Variants in CRB1 observed in about 807,000 individuals in gnomAD.
CRB1 encodes crumbs cell polarity complex component 1.
In CRB1, 83 loss-of-function variants were observed where a neutral mutation model predicts 120.0. That is an observed-to-expected ratio of 0.69 (90% CI 0.58 to 0.83). The LOEUF (loss-of-function observed/expected upper bound fraction) is 0.83. Among genes scored for constraint, CRB1 ranks in the 40% least tolerant of loss-of-function variants. The probability of loss-of-function intolerance (pLI) is 0.00; values close to 1 mark genes in which losing one functional copy is unlikely to be tolerated. For missense variants in CRB1, 1,699 were observed against 1,687.6 expected, an observed-to-expected ratio of 1.01 and a Z score of -0.12; for synonymous variants, 625 against 612.5, an observed-to-expected ratio of 1.02 and a Z score of -0.30.
rs1030185190 is a variant in CRB1 at position 197,477,649 on chromosome 1, T to C, written c.4006-15T>C. Reference sequence around the variant, plus strand: ...TGCTATAGAATTCGCATCCCAATGATTTCAATCTTTCCAGTTGGCAGATGA... The same window carrying C: ...TGCTATAGAATTCGCATCCCAATGACTTCAATCTTTCCAGTTGGCAGATGA... On this transcript the variant is annotated splice_polypyrimidine_tract_variant and intron_variant, in intron 11 of 11. Transcript: ENST00000367400. The C allele has an allele frequency of 6.2e-7, 1 of 1,611,946 alleles. No homozygotes were observed. The highest frequency in any genetic ancestry group is 8.5e-7 in the Non-Finnish European group (1 of 1,178,254).
intron 11 of CRB1, among the ~76,000 whole-genome samples, chr1:197,457,792 T>C (rs1666352460): frequency 1.3e-5 from 2 of 152,154 alleles, no homozygotes; most frequent in Admixed American, 1.3e-4. Context: ...TGTTTTTTTG[T>C]ATTGTTGATT....
intron 1 of CRB1, among the ~76,000 whole-genome samples, chr1:197,290,034 AATCT>A (rs959358365): frequency 2.2e-4 from 34 of 151,856 alleles, no homozygotes; most frequent in Middle Eastern, 3.4e-3. Flanking sequence ...TTGGGGATCT[AATCT>A]ATCTATGGTT....
chr1:197,358,052 T>C (rs1408022202), intron 5 of CRB1: 1 of 152,214 alleles, frequency 6.6e-6, no homozygotes, highest in Non-Finnish European at 1.5e-5. Flanking sequence ...ACTGATTAAA[T>C]GCATGAAATA....
rs145282040 is a variant in CRB1 at position 197,427,454 on chromosome 1, A to G, written c.2129A>G (p.Glu710Gly). ...CTCCTCCTCTATTTTGACATTGAAG[A>G]GTATGTGGCAGGCAGATTTGGCCAG... ...RPYEGPNCLR[E>G]YVAGRFGQDD... The change falls in exon 7 of 12, where the codon GAG becomes GGG. Residue 710 changes from glutamate (E) to glycine (G), a missense_variant and splice_region_variant. Glu to Gly is a moderately conservative substitution (Grantham distance 98). Coordinates refer to ENST00000367400, the MANE Select transcript of CRB1 (RefSeq NM_201253.3). The G allele has an allele frequency of 1.2e-6, 2 of 1,613,022 alleles. No homozygotes were observed. Among genetic ancestry groups the G allele is most frequent in the African/African-American group, 1.3e-5 (1 of 74,674 alleles).
intron 1 of CRB1, among the ~76,000 whole-genome samples, chr1:197,325,569 C>T (rs554009): frequency 0.69 from 105,439 of 151,942 alleles, 36,793 homozygotes; most frequent in East Asian, 0.92. Flanking sequence ...TGCCTTTACA[C>T]GTTTGGAAAA....
At chr1:197,297,768 G>A (rs1656619275) in intron 1 of CRB1, among the ~76,000 whole-genome samples, 1 of 152,016 alleles carries the variant, frequency 6.6e-6, no homozygotes, top group Admixed American at 6.6e-5. Context: ...ATTCACAAAG[G>A]AGCCTATAGA....
chr1:197,471,964 G>A (rs556635358), intron 11 of CRB1, among the ~76,000 whole-genome samples: 47 of 152,264 alleles, frequency 3.1e-4, no homozygotes, highest in African/African-American at 1.1e-3. Context: ...GCATTCGAGA[G>A]ATGCCTTTAT....
intron 1 of CRB1, among the ~76,000 whole-genome samples, chr1:197,308,528 T>C (rs1020060943): frequency 2.6e-5 from 4 of 152,328 alleles, no homozygotes; most frequent in African/African-American, 9.6e-5. Context: ...AGCTAATCTA[T>C]ATAAAAATTT....
At chr1:197,410,966 G>T (rs987568473) in intron 5 of CRB1, among the ~76,000 whole-genome samples, 1 of 152,052 alleles carries the variant, frequency 6.6e-6, no homozygotes, top group Admixed American at 6.6e-5. Flanking sequence ...CCATCCAAAG[G>T]CTTCTTACTG....
intron 11 of CRB1, among the ~76,000 whole-genome samples, chr1:197,469,338 C>T (rs1442932490): frequency 6.6e-6 from 1 of 151,990 alleles, no homozygotes; most frequent in Non-Finnish European, 1.5e-5. Flanking sequence ...TTCTGTGGGG[C>T]TGGATGGAGG....
At chr1:197,268,557 T>C (rs1328291633) in intron 1 of CRB1, 75 bp downstream of exon 1, 3 of 1,108,648 alleles carry the variant, frequency 2.7e-6, no homozygotes, top group Non-Finnish European at 4.2e-6. Context: ...TAATGGATAA[T>C]GTTGCATGTT....
At chr1:197,426,928 C>A (rs1346679655) in intron 6 of CRB1, among the ~76,000 whole-genome samples, 1 of 152,174 alleles carries the variant, frequency 6.6e-6, no homozygotes, top group East Asian at 1.9e-4. Flanking sequence ...GGGACAAATA[C>A]ATTCCAGGCT....
chr1:197,315,296 T>A (rs1657774567), intron 1 of CRB1, among the ~76,000 whole-genome samples: 1 of 152,212 alleles, frequency 6.6e-6, no homozygotes, highest in African/African-American at 2.4e-5. Flanking sequence ...AGGCATCAAA[T>A]ATTTCCTGTG....
At chr1:197,448,277 A>AT (rs1558148348) in intron 11 of CRB1, among the ~76,000 whole-genome samples, 1 of 151,834 alleles carries the variant, frequency 6.6e-6, no homozygotes, top group Non-Finnish European at 1.5e-5. Flanking sequence ...CTTTAAGAGG[A>AT]TTTTTCTTTT....
the CRB1 span, among the ~76,000 whole-genome samples, chr1:197,232,537 G>T: frequency 6.6e-6 from 1 of 152,164 alleles, no homozygotes; most frequent in Non-Finnish European, 1.5e-5. Context: ...AGATAGACAG[G>T]CAGCCAACAC....
intron 3 of CRB1, 86 bp downstream of exon 3, chr1:197,344,562 C>T (rs1257810188): frequency 4.6e-6 from 6 of 1,303,708 alleles, no homozygotes; most frequent in African/African-American, 1.5e-5. Flanking sequence ...AGAGCTCTCA[C>T]GTTCTCGGCT....
chr1:197,279,422 ATAAT>A (rs952689939), intron 1 of CRB1, among the ~76,000 whole-genome samples: 14 of 151,998 alleles, frequency 9.2e-5, no homozygotes, highest in South Asian at 6.2e-4. Context: ...TAATCTTAAA[ATAAT>A]TAAAGCATTA....
At chr1:197,366,623 TAGAG>T (rs1661090176) in intron 5 of CRB1, among the ~76,000 whole-genome samples, 1 of 152,042 alleles carries the variant, frequency 6.6e-6, no homozygotes. Flanking sequence ...GAGTTAGAAA[TAGAG>T]AGAGCATGAG....
intron 5 of CRB1, among the ~76,000 whole-genome samples, chr1:197,389,910 C>A (rs1454587230): frequency 6.6e-6 from 1 of 152,072 alleles, no homozygotes; most frequent in Non-Finnish European, 1.5e-5. Context: ...CTCCCTGCCA[C>A]CCTGCTGCGT....
Sources: gnomAD v4.1 joint callset for allele counts (sites outside exome capture counted in the v4.1 genomes callset) on GRCh38, gnomAD v4.1.1 for gene constraint, MANE v1.5 for transcripts, NCBI Gene and HGNC (gene_info 2026-07-23, HGNC 2026-07-21) for gene names.